CFAP97: variants seen among roughly 807,000 people sequenced by gnomAD.
The protein encoded by CFAP97 is cilia- and flagella-associated protein 97.
In CFAP97, 36 loss-of-function variants were observed where a neutral mutation model predicts 43.1. The ratio of observed to expected loss-of-function variants is 0.84; its 90% CI spans 0.64 to 1.10. CFAP97 has a LOEUF of 1.10. CFAP97 is among the 50% of genes least tolerant of loss of function. CFAP97 has a pLI of 0.00. For missense variants in CFAP97, 657 were observed against 620.3 expected (o/e 1.06, Z -0.63); for synonymous variants, 228 against 225.7 (o/e 1.01, Z -0.09).
At chr4:185,198,134 A>G (rs1368330066) in intron 1 of CFAP97, among the ~76,000 whole-genome samples, 2 of 152,204 alleles carry the variant, frequency 1.3e-5, no homozygotes, top group Non-Finnish European at 2.9e-5. Context: ...AGGCTGTCTC[A>G]TAAGGTTTAA....
chr4:185,190,980 C>G lies in CFAP97; in HGVS notation c.217G>C (p.Val73Leu), dbSNP rs201429958. Residue 73 changes from valine (V) to leucine (L), a missense_variant, in exon 2 of 5, where the codon GTG (valine) becomes CTG (leucine). Physicochemically the swap from Val to Leu is conservative, Grantham distance 32 (BLOSUM62 1). Coordinates refer to ENST00000458385, the MANE Select transcript of CFAP97 (RefSeq NM_020827.3). ...ACGGGGTGTTCTGGGGGAAATTTCA[C>G]GTTTCTTTCATTTCCCTTCTCAGTA... The part of the protein sequence containing the change: ...YLTEKGNERN[V>L]KFPPEHPVEN... 27 of 1,613,534 alleles carry G rather than the reference C, an allele frequency of 1.7e-5. 1 individual carries two copies. The Admixed American group carries it at 2.8e-4, about 17-fold the overall frequency.
At chr4:185,163,523 T>G (rs188030015) in intron 4 of CFAP97, among the ~76,000 whole-genome samples, 157 of 152,144 alleles carry the variant, frequency 1.0e-3, no homozygotes, top group Non-Finnish European at 1.7e-3. Context: ...TCCTGTACTC[T>G]CTGGGGCACA....
At chr4:185,179,182 G>C (rs1303103946) in intron 2 of CFAP97, among the ~76,000 whole-genome samples, 1 of 152,092 alleles carries the variant, frequency 6.6e-6, no homozygotes, top group East Asian at 1.9e-4. Context: ...AGCTGCAGCT[G>C]GACCCGACTG....
chr4:185,199,517 A>G (rs1228851542), intron 1 of CFAP97, among the ~76,000 whole-genome samples: 1 of 151,962 alleles, frequency 6.6e-6, no homozygotes, highest in Non-Finnish European at 1.5e-5. Flanking sequence ...AAAAATAACA[A>G]AAGTTAGCCA....
intron 3 of CFAP97, among the ~76,000 whole-genome samples, chr4:185,173,172 G>A (rs1255263948): frequency 2.0e-5 from 3 of 151,932 alleles, no homozygotes; most frequent in Admixed American, 2.0e-4. Context: ...GACCATCCTG[G>A]CTAACACGGT....
intron 3 of CFAP97, among the ~76,000 whole-genome samples, 190 bp from the exon 4 acceptor site, chr4:185,164,369 C>T (rs1734990807): frequency 6.6e-6 from 1 of 152,030 alleles, no homozygotes; most frequent in South Asian, 2.1e-4. Flanking sequence ...TCTCAAGTAG[C>T]TGGTATTACA....
chr4:185,168,801 T>C (rs1735170542), intron 3 of CFAP97, among the ~76,000 whole-genome samples: 1 of 151,876 alleles, frequency 6.6e-6, no homozygotes, highest in African/African-American at 2.4e-5. Flanking sequence ...TCCCAGCTAC[T>C]TGGGAGGCTG....
chr4:185,169,943 T>G, intron 3 of CFAP97: 1 of 1,009,546 alleles, frequency 9.9e-7, no homozygotes, highest in Non-Finnish European at 1.2e-6. Flanking sequence ...AGAACAAAAG[T>G]ACTGTTAATC....
chr4:185,175,425 CCCA>C (rs1204879669), intron 3 of CFAP97, among the ~76,000 whole-genome samples: 1 of 152,040 alleles, frequency 6.6e-6, no homozygotes, highest in East Asian at 1.9e-4. Context: ...TGCCACCATG[CCCA>C]CCATGCCCAG....
At chr4:185,193,759 C>T (rs572965483) in intron 1 of CFAP97, among the ~76,000 whole-genome samples, 1 of 152,104 alleles carries the variant, frequency 6.6e-6, no homozygotes, top group Admixed American at 6.6e-5. Flanking sequence ...TAATCTGTAT[C>T]CTAAACCAGC....
At position 185,160,926 on chromosome 4, in the gene CFAP97, T is replaced by C. The variant is rs993112464; in HGVS notation, c.*1872A>G. 1 of 147,400 alleles carries C rather than the reference T, an allele frequency of 6.8e-6. No homozygotes were observed. The highest frequency in any genetic ancestry group is 1.5e-5 in the Non-Finnish European group (1 of 66,782). 9.1% of individuals were successfully genotyped at this position (147,400 alleles called of 1,614,324 possible). On this transcript the variant is annotated 3_prime_UTR_variant, in exon 5 of 5. Coordinates refer to ENST00000458385, the MANE Select transcript of CFAP97 (RefSeq NM_020827.3). The stretch of plus-strand genomic sequence containing the variant: ...TTTATATATATAAAAAGATTATATA[T>C]ATAAAACATATATATATATTTTTTT...
intron 3 of CFAP97, among the ~76,000 whole-genome samples, chr4:185,172,766 C>T (rs1440700211): frequency 6.7e-6 from 1 of 148,692 alleles, no homozygotes; most frequent in Non-Finnish European, 1.5e-5. Flanking sequence ...GTAATCCCAG[C>T]ACTTTAGGAG....
chr4:185,190,796 T>C lies in CFAP97; in HGVS notation c.401A>G (p.Asp134Gly). 1 of 1,607,146 alleles carries C rather than the reference T, an allele frequency of 6.2e-7. No homozygotes were observed. Among genetic ancestry groups the C allele is most frequent in the Non-Finnish European group, 8.5e-7 (1 of 1,176,126 alleles). ...VKEGEDDYYT[D>G]GEESSDDGKK... ...CCCATCATCACTGCTTTCCTCTCCATCTGTGTAGTAATCATCTTCACCTTC... is the reference window on the plus strand; with the variant it reads ...CCCATCATCACTGCTTTCCTCTCCACCTGTGTAGTAATCATCTTCACCTTC... The change falls in exon 2 of 5, where the codon GAT (aspartate) becomes GGT (glycine). Residue 134 changes from aspartate to glycine, a missense_variant. Physicochemically the swap from Asp to Gly is moderately conservative, Grantham distance 94 (BLOSUM62 -1). Coordinates refer to ENST00000458385, the MANE Select transcript of CFAP97 (RefSeq NM_020827.3).
intron 3 of CFAP97, among the ~76,000 whole-genome samples, chr4:185,165,700 T>C (rs1735040874): frequency 6.6e-6 from 1 of 152,250 alleles, no homozygotes; most frequent in Non-Finnish European, 1.5e-5. Flanking sequence ...TTCTTCCTTT[T>C]ACTGTGGTAA....
Position 185,192,906 on chromosome 4 carries a change from A to G in CFAP97, c.-16-1694T>C, listed in dbSNP as rs1271714390. 2.0e-5 allele frequency among the ~76,000 whole-genome samples: 3 copies of G among 151,844 alleles called. 1 individual carries two copies. The highest frequency in any genetic ancestry group is 1.3e-4 in the Admixed American group (2 of 15,228). The stretch of plus-strand genomic sequence containing the variant: ...CAGGCGCCCGCCACCACGCCCGGCT[A>G]ATTTTTTGTAGTTTTAGTAGAGACG... On this transcript the variant is annotated intron_variant, in intron 1 of 4. Coordinates refer to ENST00000458385, the MANE Select transcript of CFAP97 (RefSeq NM_020827.3).
Position 185,162,793 on chromosome 4 carries a change from G to GTGTT in CFAP97, c.*1_*4dup. ...TGTGAACAATGTTTAAAGTAAAAAA[G>GTGTT]TGTTTTATAACCAAGCTGTACGGAC... On this transcript the variant is annotated 3_prime_UTR_variant, in exon 5 of 5. Coordinates refer to ENST00000458385, the MANE Select transcript of CFAP97 (RefSeq NM_020827.3). 3 of 1,611,990 alleles carry GTGTT rather than the reference G, an allele frequency of 1.9e-6. No individual in the cohort carries two copies. The highest frequency in any genetic ancestry group is 2.5e-6 in the Non-Finnish European group (3 of 1,179,156).
chr4:185,207,286 G>A (rs921838188), upstream of CFAP97, among the ~76,000 whole-genome samples: 19 of 134,588 alleles, frequency 1.4e-4, no homozygotes, highest in African/African-American at 3.9e-4. Flanking sequence ...GTGCGATCTC[G>A]GCTCACTGCA....
chr4:185,180,269 T>C (rs1735730281), intron 2 of CFAP97, among the ~76,000 whole-genome samples: 1 of 152,146 alleles, frequency 6.6e-6, no homozygotes, highest in South Asian at 2.1e-4. Context: ...TGTGGCAAAA[T>C]ACACGGAACA....
intron 1 of CFAP97, among the ~76,000 whole-genome samples, chr4:185,193,592 G>A (rs530074788): frequency 1.3e-5 from 2 of 152,204 alleles, no homozygotes; most frequent in East Asian, 1.9e-4. Context: ...GCTGCAGTGC[G>A]CCGCGATCAC....
Sources: allele counts gnomAD v4.1 joint callset (sites outside exome capture counted in the v4.1 genomes callset), GRCh38; gene constraint gnomAD v4.1.1; transcripts MANE v1.5; gene names NCBI Gene and HGNC (gene_info 2026-07-23, HGNC 2026-07-21).